The following ZNF138 variants were observed in gnomAD, a reference collection of about 807,000 sequenced individuals.
The protein encoded by ZNF138 is zinc finger protein 138.
A neutral mutation model predicts 33.0 loss-of-function variants in ZNF138; 33 were observed. The observed-to-expected ratio is 1.00, with a 90% CI of 0.76 to 1.34. The LOEUF is 1.34. Among genes scored for constraint, ZNF138 ranks in the 40% most tolerant of loss-of-function variants. The pLI is 0.00. For missense variants in ZNF138, 360 were observed against 370.8 expected (o/e 0.97, Z 0.24); for synonymous variants, 139 against 120.4 (o/e 1.15, Z -1.01).
chr7:64,794,650 T>A, intron 1 of ZNF138, 79 bp downstream of exon 1: 3 of 1,600,974 alleles, frequency 1.9e-6, no homozygotes, highest in Non-Finnish European at 2.6e-6. Context: ...GTGGCAGTAC[T>A]CGGGTCTTCC....
At chr7:64,809,186 C>G in intron 1 of ZNF138, among the ~76,000 whole-genome samples, 1 of 41,714 alleles carries the variant, frequency 2.4e-5, no homozygotes, top group South Asian at 1.0e-3. Flanking sequence ...CCTCACCTCC[C>G]GGGTGGGGCA....
the ZNF138 span, among the ~76,000 whole-genome samples, chr7:64,849,298 T>G: frequency 1.3e-5 from 2 of 152,226 alleles, no homozygotes; most frequent in Non-Finnish European, 2.9e-5. Context: ...GTGAATTGTC[T>G]GCAGGTCTCT....
At chr7:64,806,157 A>C (rs62456816) in intron 1 of ZNF138, among the ~76,000 whole-genome samples, 6,644 of 152,284 alleles carry the variant, frequency 0.044, 205 homozygotes, top group East Asian at 0.14. Context: ...ACCAAGCTTT[A>C]ATCTAGAGGG....
At chr7:64,802,128 G>A (rs1489376972) in intron 1 of ZNF138, among the ~76,000 whole-genome samples, 4 of 152,198 alleles carry the variant, frequency 2.6e-5, no homozygotes, top group African/African-American at 4.8e-5. Flanking sequence ...GGATTTGTCC[G>A]AAAGGCAGAA....
In ZNF138 at chr7:64,813,453, T is replaced by A. The variant is rs537925494; in HGVS notation, c.4-1465T>A. ...TAAAAATGATTTTTTTTTTTTTTTT[T>A]AATGGAGTCTCGCGCTGTCGCCCAG... On this transcript the variant is annotated intron_variant, in intron 1 of 3. Coordinates refer to ENST00000307355, the MANE Select transcript of ZNF138 (RefSeq NM_001271639.2). Among the ~76,000 whole-genome samples, 885 of 150,238 alleles carry A rather than the reference T, an allele frequency of 5.9e-3. 16 individuals carry two copies. Among genetic ancestry groups the A allele is most frequent in the African/African-American group, 0.02 (806 of 40,704 alleles).
At chr7:64,841,345 T>G in the ZNF138 span, among the ~76,000 whole-genome samples, 1 of 152,222 alleles carries the variant, frequency 6.6e-6, no homozygotes. Flanking sequence ...ATATATTTAT[T>G]GAGGCAATTT....
At chr7:64,850,561 T>C in the ZNF138 span, among the ~76,000 whole-genome samples, 1 of 152,188 alleles carries the variant, frequency 6.6e-6, no homozygotes, top group Non-Finnish European at 1.5e-5. Flanking sequence ...AAATAAAAAG[T>C]AGCATTGGAT....
At chr7:64,837,612 G>C (rs906109151), downstream of ZNF138, among the ~76,000 whole-genome samples, 1 of 152,238 alleles carries the variant, frequency 6.6e-6, no homozygotes. Context: ...CGTCTCGAGA[G>C]CCAATTTGAT....
chr7:64,826,263 G>A (rs766486336), intron 3 of ZNF138, among the ~76,000 whole-genome samples: 4 of 151,762 alleles, frequency 2.6e-5, no homozygotes, highest in Admixed American at 6.6e-5. Context: ...GTGTAGTGAC[G>A]TGCTTTGATT....
chr7:64,813,057 G>A (rs966918858), intron 1 of ZNF138, among the ~76,000 whole-genome samples: 4 of 151,352 alleles, frequency 2.6e-5, no homozygotes, highest in Admixed American at 6.6e-5. Context: ...GCATACCAGA[G>A]CCTTCCCTAC....
chr7:64,800,714 G>A (rs374421328), intron 1 of ZNF138, among the ~76,000 whole-genome samples: 51 of 152,076 alleles, frequency 3.4e-4, no homozygotes, highest in African/African-American at 1.2e-3. Flanking sequence ...GTTGAAGGAG[G>A]GAGTGTCTTC....
chr7:64,815,841 C>T (rs1216210415), intron 3 of ZNF138, among the ~76,000 whole-genome samples, 188 bp downstream of exon 3: 3 of 148,862 alleles, frequency 2.0e-5, no homozygotes, highest in South Asian at 2.2e-4. Context: ...AAGAATTCTA[C>T]TTTCCCTTTG....
At chr7:64,797,055 AAAAG>A (rs1192310493) in intron 1 of ZNF138, among the ~76,000 whole-genome samples, 7 of 152,354 alleles carry the variant, frequency 4.6e-5, no homozygotes, top group South Asian at 2.1e-4. Context: ...ATCTCAAGAA[AAAAG>A]AAAGAAAGAA....
the ZNF138 span, chr7:64,853,013 A>G: frequency 6.7e-7 from 1 of 1,490,736 alleles, no homozygotes; most frequent in Non-Finnish European, 9.3e-7. Context: ...ACATTCTGTG[A>G]CCCCCATTGC....
chr7:64,805,006 T>C (rs6964405), intron 1 of ZNF138, among the ~76,000 whole-genome samples: 142,674 of 152,230 alleles, frequency 0.94, 66,900 homozygotes, highest in South Asian at 0.98. Flanking sequence ...CCATGGTGTC[T>C]GTGAATGAGG....
chr7:64,854,728 G>A, the ZNF138 span, among the ~76,000 whole-genome samples: 1 of 152,172 alleles, frequency 6.6e-6, no homozygotes, highest in Non-Finnish European at 1.5e-5. Flanking sequence ...AAGAAGCAAA[G>A]AGAAGATTTA....
chr7:64,835,051 T>A (rs1790322260), downstream of ZNF138, among the ~76,000 whole-genome samples: 2 of 152,186 alleles, frequency 1.3e-5, no homozygotes, highest in African/African-American at 4.8e-5. Context: ...CTTTTATGGA[T>A]GCTGGGTGAG....
intron 1 of ZNF138, among the ~76,000 whole-genome samples, chr7:64,800,111 C>T (rs1454790362): frequency 1.3e-5 from 2 of 152,196 alleles, no homozygotes; most frequent in African/African-American, 4.8e-5. Flanking sequence ...TCTGTGGGTT[C>T]TCTAGATATA....
In ZNF138 at chr7:64,794,944, C is replaced by T. The variant is rs918373816; in HGVS notation, c.3+373C>T. Among the ~76,000 whole-genome samples, 11 of 152,180 alleles carry T rather than the reference C, an allele frequency of 7.2e-5. No homozygotes were observed. In the South Asian group the frequency reaches 1.7e-3, roughly 23 times the overall value. On this transcript the variant is annotated intron_variant, in intron 1 of 3. Transcript: ENST00000307355. ...CGCGGGCTTCCCTGTCCCTCTTTTC[C>T]CCTATTAAAATTTATGAAAGTCACC...
Sources: allele counts gnomAD v4.1 joint callset (sites outside exome capture counted in the v4.1 genomes callset), GRCh38; gene constraint gnomAD v4.1.1; transcripts MANE v1.5; gene names NCBI Gene and HGNC (gene_info 2026-07-23, HGNC 2026-07-21).